The following SCAP variants were observed in gnomAD, a reference collection of about 807,000 sequenced individuals.
SCAP encodes sterol regulatory element-binding protein cleavage-activating protein.
Under a neutral mutation model 123.6 loss-of-function variants are expected in SCAP, and 65 were observed. The ratio of observed to expected loss-of-function variants is 0.53; its 90% CI spans 0.43 to 0.65. The LOEUF (loss-of-function observed/expected upper bound fraction) is 0.65, where lower values mean the gene tolerates loss of function less well. SCAP is among the 30% of genes least tolerant of loss of function. SCAP has a pLI of 0.00. For synonymous variants in SCAP, 740 were observed against 726.3 expected, an observed-to-expected ratio of 1.02 and a Z score of -0.30; for missense variants, 1,398 against 1,712.5, an observed-to-expected ratio of 0.82 and a Z score of 3.24.
At chr3:47,430,562 G>T (rs1024922326) in intron 3 of SCAP, among the ~76,000 whole-genome samples, 2 of 152,190 alleles carry the variant, frequency 1.3e-5, no homozygotes, top group Admixed American at 1.3e-4. Flanking sequence ...CCTGTCAGGG[G>T]ATAACAGAAA....
intron 14 of SCAP, 29 bp downstream of exon 14, chr3:47,418,626 T>TTACCC: frequency 6.9e-7 from 1 of 1,459,570 alleles, no homozygotes; most frequent in Non-Finnish European, 9.5e-7. Context: ...CCGCACTCTT[T>TTACCC]CCCACCCCAC....
upstream of SCAP, among the ~76,000 whole-genome samples, chr3:47,476,395 A>G (rs1038725504): frequency 4.6e-5 from 7 of 152,180 alleles, no homozygotes; most frequent in East Asian, 5.8e-4. Context: ...CGGGAGGTCG[A>G]GGCCACAGTG....
At position 47,420,834 on chromosome 3, in the gene SCAP, G is replaced by A. The variant is rs1020316551; in HGVS notation, c.1345-62C>T. 27 of 1,531,292 alleles carry A rather than the reference G, an allele frequency of 1.8e-5. No individual in the cohort carries two copies. Among genetic ancestry groups the A allele is most frequent in the Middle Eastern group, 1.8e-4 (1 of 5,542 alleles). The allele number at this position is 1,531,292 out of a possible 1,614,324, so 94.9% of individuals were successfully genotyped here. A position where few individuals can be genotyped will look rare whatever the true frequency, so the allele number is the denominator to read the frequency against. ...ATCCAGAGGCTGCTCGCACAGGACC[G>A]CTGTCCTGCCCGAGGTCTACACCCT... On this transcript the variant is annotated intron_variant, in intron 11 of 22. Coordinates refer to ENST00000265565, the MANE Select transcript of SCAP (RefSeq NM_012235.4). The surrounding 1 kb of genome is among the most constrained non-coding windows in gnomAD (Gnocchi z 5.0).
chr3:47,463,274 A>G (rs2108002492), intron 1 of SCAP, among the ~76,000 whole-genome samples: 1 of 152,178 alleles, frequency 6.6e-6, no homozygotes, highest in African/African-American at 2.4e-5. Context: ...CTGACCAACA[A>G]TCATCATCTC....
chr3:47,428,814 G>C (rs771343374), intron 3 of SCAP, 144 bp from the exon 4 acceptor site: 11 of 796,020 alleles, frequency 1.4e-5, no homozygotes, highest in Admixed American at 6.5e-5. Context: ...TCTTGAGTTT[G>C]CAGGATGGCA....
In SCAP at chr3:47,414,317, C is replaced by G. The variant is rs151202256; in HGVS notation, c.3457G>C (p.Val1153Leu). 345 of 1,613,126 alleles carry G rather than the reference C, an allele frequency of 2.1e-4. No homozygotes were observed. Among genetic ancestry groups the G allele is most frequent in the Non-Finnish European group, 2.8e-4 (332 of 1,180,028 alleles). ...CLWDVLTGSR[V>L]SHVFAHRGDV... ...CCACGGTGAGCAAACACATGGCTGA[C>G]CCGGCTGCCAGTCAGTACATCCCAC... Residue 1153 changes from valine (V) to leucine (L), a missense_variant, in exon 22 of 23, where the codon GTC becomes CTC. Coordinates refer to ENST00000265565, the MANE Select transcript of SCAP (RefSeq NM_012235.4).
At chr3:47,428,799 C>G (rs139360994) in intron 3 of SCAP, 129 bp from the exon 4 acceptor site, 1 of 1,007,156 alleles carries the variant, frequency 9.9e-7, no homozygotes, top group East Asian at 2.5e-5. Flanking sequence ...ATGACTAATA[C>G]AAGTTCTTGA....
intron 2 of SCAP, among the ~76,000 whole-genome samples, chr3:47,436,859 C>A (rs1370736094): frequency 2.0e-5 from 3 of 152,314 alleles, no homozygotes; most frequent in South Asian, 2.1e-4. Flanking sequence ...TCCCAGTCAA[C>A]AGCATACCAC....
At chr3:47,445,243 CTT>C (rs970206797) in intron 1 of SCAP, among the ~76,000 whole-genome samples, 20 of 111,844 alleles carry the variant, frequency 1.8e-4, no homozygotes, top group Non-Finnish European at 2.5e-4. Context: ...GTTTTCAATT[CTT>C]TTTTTTTTTT....
At chr3:47,434,170 T>A (rs1265915968) in intron 3 of SCAP, among the ~76,000 whole-genome samples, 1 of 152,162 alleles carries the variant, frequency 6.6e-6, no homozygotes, top group Non-Finnish European at 1.5e-5. Flanking sequence ...GACTACTACG[T>A]TAACCAAAAA....
At chr3:47,427,869 G>A (rs1209267800) in intron 4 of SCAP, among the ~76,000 whole-genome samples, 1 of 152,190 alleles carries the variant, frequency 6.6e-6, no homozygotes, top group Non-Finnish European at 1.5e-5. Context: ...GACTTTCAAA[G>A]TGCATCTGAA....
chr3:47,476,527 G>A (rs1001924571), upstream of SCAP, among the ~76,000 whole-genome samples: 1 of 152,184 alleles, frequency 6.6e-6, no homozygotes, highest in African/African-American at 2.4e-5. Context: ...AATAAATAAT[G>A]TCCATAAAAC....
rs1435377419 is a variant in SCAP at position 47,414,819 on chromosome 3, A to T, written c.3306+8T>A. 6.2e-7 allele frequency: 1 copy of T among 1,603,058 alleles called. No homozygotes were observed. Among genetic ancestry groups the T allele is most frequent in the South Asian group, 1.1e-5 (1 of 89,098 alleles). ...ACTCCAGCACCCAAGAGACAAGACA[A>T]TACTCACTCTCAGTGTGTGGTCTTG... is the stretch of plus-strand genomic sequence containing the variant. On this transcript the variant is annotated splice_region_variant and intron_variant, in intron 20 of 22. Coordinates refer to ENST00000265565, the MANE Select transcript of SCAP (RefSeq NM_012235.4).
chr3:47,447,743 A>T (rs1707099887), intron 1 of SCAP, among the ~76,000 whole-genome samples: 1 of 151,738 alleles, frequency 6.6e-6, no homozygotes, highest in South Asian at 2.1e-4. Context: ...GTGGTGGTTC[A>T]TGCCTGTAAT....
intron 2 of SCAP, among the ~76,000 whole-genome samples, chr3:47,440,620 C>T (rs983404442): frequency 3.3e-5 from 5 of 152,306 alleles, no homozygotes; most frequent in East Asian, 1.9e-4. Context: ...CCTGTAATCC[C>T]GACACTTTGG....
At position 47,426,056 on chromosome 3, in the gene SCAP, T is replaced by A. The variant is rs1185123097; in HGVS notation, c.851A>T (p.Glu284Val). The A allele has an allele frequency of 1.2e-6, 2 of 1,614,138 alleles. No homozygotes were observed. The change falls in exon 7 of 23, where the codon GAG becomes GTG. Residue 284 changes from glutamate to valine, a missense_variant. By Grantham distance (121) the Glu-to-Val change is moderately radical. This residue lies in a region of SCAP where 319 missense variants were observed against 432.4 expected (regional missense o/e 0.74). Coordinates refer to ENST00000265565, the MANE Select transcript of SCAP (RefSeq NM_012235.4). ...GTAGGTGGTCACAAGGGGGATGAGC[T>A]CAGCGACACCAATCTCCTCCTTGAA... ...VHFKEEIGVA[E>V]LIPLVTTYII...
At position 47,414,901 on chromosome 3, in the gene SCAP, G is replaced by A. The variant is rs1705499515; in HGVS notation, c.3232C>T (p.His1078Tyr). 3 of 1,612,826 alleles carry A rather than the reference G, an allele frequency of 1.9e-6. No homozygotes were observed. The highest frequency in any genetic ancestry group is 1.1e-5 in the South Asian group (1 of 91,044). ...TTCAGGGCTGTGATGGGTTTTTGGT[G>A]TGCACAGGGCACTGTGTGGGTCAGG... is the stretch of plus-strand genomic sequence containing the variant. ...CHLTHTVPCA[H>Y]QKPITALKAA... Residue 1078 changes from histidine (H) to tyrosine (Y), a missense_variant, in exon 20 of 23, where the codon CAC (histidine) becomes TAC (tyrosine). His to Tyr is a moderately conservative substitution (Grantham distance 83, BLOSUM62 2). Around this residue, in one of 7 missense-constraint regions of SCAP, gnomAD observed 828 missense variants for 882.5 expected, o/e 0.94. Coordinates refer to ENST00000265565, the MANE Select transcript of SCAP (RefSeq NM_012235.4).
Position 47,414,598 on chromosome 3 carries a change from C to T in SCAP, c.3361G>A (p.Ala1121Thr). ...CLFTLQGHSG[A>T]ITTVYIDQTM... ...TGGTCAATGTACACGGTCGTGATGG[C>T]CCCTGAGTGGCCCTGAAGGGTGAAG... Residue 1121 changes from alanine (A) to threonine (T), a missense_variant, in exon 21 of 23, where the codon GCC becomes ACC. Physicochemically the swap from Ala to Thr is moderately conservative, Grantham distance 58 (BLOSUM62 0). Coordinates refer to ENST00000265565, the MANE Select transcript of SCAP (RefSeq NM_012235.4). 1 of 1,613,458 alleles carries T rather than the reference C, an allele frequency of 6.2e-7. No individual in the cohort carries two copies. The highest frequency in any genetic ancestry group is 8.5e-7 in the Non-Finnish European group (1 of 1,180,016).
At chr3:47,427,134 G>T in intron 6 of SCAP, 23 bp downstream of exon 6, 3 of 1,555,844 alleles carry the variant, frequency 1.9e-6, no homozygotes, top group Non-Finnish European at 2.7e-6. Context: ...CCAGTCAAGA[G>T]CCCAGGGTAC....
Sources: allele counts gnomAD v4.1 joint callset (sites outside exome capture counted in the v4.1 genomes callset), GRCh38; gene constraint gnomAD v4.1.1; regional missense constraint gnomAD v4.1.1; non-coding constraint Gnocchi (gnomAD v3.1); transcripts MANE v1.5; gene names NCBI Gene and HGNC (gene_info 2026-07-23, HGNC 2026-07-21).